NPAS2: variants seen among roughly 807,000 people sequenced by gnomAD.
NPAS2 encodes the protein neuronal PAS domain-containing protein 2.
In NPAS2, 23 loss-of-function variants were observed where a neutral mutation model predicts 107.5. The observed-to-expected ratio is 0.21, with a 90% CI of 0.15 to 0.30. NPAS2 has a LOEUF of 0.30. Among genes scored for constraint, NPAS2 ranks in the 10% least tolerant of loss-of-function variants. The pLI is 1.00. For missense variants in NPAS2, 756 were observed against 1,043.3 expected, an observed-to-expected ratio of 0.72 and a Z score of 3.79; for synonymous variants, 403 against 417.5, an observed-to-expected ratio of 0.97 and a Z score of 0.42.
chr2:100,876,315 G>A (rs1203212953), intron 1 of NPAS2, among the ~76,000 whole-genome samples: 1 of 152,202 alleles, frequency 6.6e-6, no homozygotes, highest in South Asian at 2.1e-4. Flanking sequence ...AACGCATTGC[G>A]TGGAGAAATT....
chr2:100,946,477 C>T (rs1425163589), intron 5 of NPAS2, among the ~76,000 whole-genome samples: 1 of 152,016 alleles, frequency 6.6e-6, no homozygotes, highest in East Asian at 1.9e-4. Context: ...AGGGAACAGC[C>T]CAGGTGAGGC....
chr2:100,826,237 T>A (rs1032578126), intron 1 of NPAS2, among the ~76,000 whole-genome samples: 2 of 151,482 alleles, frequency 1.3e-5, no homozygotes, highest in Non-Finnish European at 2.9e-5. Context: ...AGGTCAGGAG[T>A]TCGAGACAAT....
At chr2:100,989,277 T>G (rs1428191652) in intron 17 of NPAS2, 1 of 153,248 alleles carries the variant, frequency 6.5e-6, no homozygotes, top group Non-Finnish European at 1.5e-5. Context: ...GAGCAAGAGT[T>G]GTCCTGGGCC....
intron 1 of NPAS2, among the ~76,000 whole-genome samples, chr2:100,882,346 A>G (rs998834801): frequency 2.0e-5 from 3 of 152,212 alleles, no homozygotes; most frequent in Non-Finnish European, 2.9e-5. Flanking sequence ...GCAGTGGCTC[A>G]TGCCTGTAAT....
intron 4 of NPAS2, among the ~76,000 whole-genome samples, chr2:100,933,530 C>G (rs1262914330): frequency 6.6e-6 from 1 of 152,200 alleles, no homozygotes; most frequent in East Asian, 1.9e-4. Flanking sequence ...CAGCTCATGT[C>G]CTTTCTGTGC....
rs1427889980 is a variant in NPAS2 at position 100,838,223 on chromosome 2, A to T, written c.-23+17809A>T. Among the ~76,000 whole-genome samples, 5 of 151,574 alleles carry T rather than the reference A, an allele frequency of 3.3e-5. No homozygotes were observed. The East Asian group carries it at 9.7e-4, about 29-fold the overall frequency. ...CCCTAAGTCAGATGGGTTATAATAA[A>T]CATTTAAGATTTGCTTTTCATGAAT... On this transcript the variant is annotated intron_variant, in intron 1 of 20. Coordinates refer to ENST00000335681, the MANE Select transcript of NPAS2 (RefSeq NM_002518.4).
intron 1 of NPAS2, among the ~76,000 whole-genome samples, chr2:100,892,266 G>A (rs899309090): frequency 6.6e-6 from 1 of 152,048 alleles, no homozygotes; most frequent in Non-Finnish European, 1.5e-5. Context: ...CGATGTTACG[G>A]TACATTTACT....
chr2:100,937,668 T>C, intron 4 of NPAS2, 85 bp from the exon 5 acceptor site: 1 of 939,998 alleles, frequency 1.1e-6, no homozygotes, highest in South Asian at 1.3e-5. Flanking sequence ...AAAGCCAGTG[T>C]CCTAAAATAG....
chr2:100,853,972 G>A (rs1212209349), intron 1 of NPAS2, among the ~76,000 whole-genome samples: 4 of 64,196 alleles, frequency 6.2e-5, no homozygotes, highest in East Asian at 3.5e-4. Flanking sequence ...TTCAGCCCAC[G>A]ACAAAAAAAA....
intron 1 of NPAS2, among the ~76,000 whole-genome samples, chr2:100,892,966 C>T (rs1681173814): frequency 6.6e-6 from 1 of 152,174 alleles, no homozygotes; most frequent in Non-Finnish European, 1.5e-5. Context: ...GATCCTCCCA[C>T]CTCAGCCTCC....
chr2:100,856,367 A>G (rs758712250), intron 1 of NPAS2, among the ~76,000 whole-genome samples: 1 of 152,190 alleles, frequency 6.6e-6, no homozygotes, highest in East Asian at 1.9e-4. Flanking sequence ...CAGGCTCCCA[A>G]TGCTGTCTGC....
At chr2:100,856,024 A>G (rs1219613251) in intron 1 of NPAS2, among the ~76,000 whole-genome samples, 1 of 152,132 alleles carries the variant, frequency 6.6e-6, no homozygotes. Context: ...TCTACTTATC[A>G]CATCTTCCAG....
chr2:100,912,108 C>A (rs948148679), intron 2 of NPAS2, among the ~76,000 whole-genome samples: 2 of 152,122 alleles, frequency 1.3e-5, no homozygotes, highest in Admixed American at 6.5e-5. Flanking sequence ...TCAGTTCTAC[C>A]AGAAATGTGT....
intron 2 of NPAS2, among the ~76,000 whole-genome samples, chr2:100,912,989 C>T (rs1682647492): frequency 1.3e-5 from 2 of 152,176 alleles, no homozygotes; most frequent in Admixed American, 1.3e-4. Flanking sequence ...TCTCTCCTGG[C>T]TTAGGTGCCG....
At chr2:100,914,516 C>T (rs1216064157) in intron 2 of NPAS2, among the ~76,000 whole-genome samples, 3 of 152,142 alleles carry the variant, frequency 2.0e-5, no homozygotes, top group Non-Finnish European at 2.9e-5. Context: ...TACACTAATA[C>T]CAAGGGAAGA....
Position 100,977,710 on chromosome 2 carries a change from G to T in NPAS2, c.1393G>T (p.Ala465Ser), listed in dbSNP as rs375419124. 4 of 1,613,924 alleles carry T rather than the reference G, an allele frequency of 2.5e-6. No individual in the cohort carries two copies. Among genetic ancestry groups the T allele is most frequent in the Middle Eastern group, 1.6e-4 (1 of 6,062 alleles). ...AACAAAGCCCCTTTCTCTCCCACAG[G>T]CCCCTCTGCCTTCCCCATCGTCCTG... ...PGLSQAATMP[A>S]PLPSPSSCDL... is the part of the protein sequence containing the mutation. The change falls in exon 15 of 21, where the codon GCC becomes TCC. Residue 465 changes from alanine (A) to serine (S), a missense_variant and splice_region_variant. Coordinates refer to ENST00000335681, the MANE Select transcript of NPAS2 (RefSeq NM_002518.4).
Position 100,925,131 on chromosome 2 carries a change from G to A in NPAS2, c.33-15G>A, listed in dbSNP as rs200183259. The A allele has an allele frequency of 2.9e-3, 4,580 of 1,601,204 alleles. 6 individuals are homozygous for A. Among genetic ancestry groups the A allele is most frequent in the Non-Finnish European group, 3.6e-3 (4,211 of 1,171,114 alleles). The stretch of plus-strand genomic sequence containing the variant: ...CGTGGAATGTTCCAGTAACCTGCTC[G>A]TTTTGTGTTTACAGAGCTTCTCGAA... On this transcript the variant is annotated splice_polypyrimidine_tract_variant and intron_variant, in intron 2 of 20. Transcript: ENST00000335681.
chr2:100,960,955 T>C (rs1203761492), intron 7 of NPAS2, among the ~76,000 whole-genome samples: 1 of 152,164 alleles, frequency 6.6e-6, no homozygotes, highest in Non-Finnish European at 1.5e-5. Flanking sequence ...TATTTAGCTT[T>C]CGGCAAGAGT....
intron 1 of NPAS2, among the ~76,000 whole-genome samples, chr2:100,851,567 T>G (rs767411273): frequency 4.6e-5 from 7 of 152,204 alleles, no homozygotes; most frequent in African/African-American, 7.2e-5. Context: ...TTGAAAAGCT[T>G]TGTGTGGTTA....
Sources: allele counts gnomAD v4.1 joint callset (sites outside exome capture counted in the v4.1 genomes callset), GRCh38; gene constraint gnomAD v4.1.1; transcripts MANE v1.5; gene names NCBI Gene and HGNC (gene_info 2026-07-23, HGNC 2026-07-21).